Variants in GALNT18 observed in about 807,000 individuals in gnomAD.
The protein encoded by GALNT18 is polypeptide N-acetylgalactosaminyltransferase 18, also known as GalNAc-transferase 18.
A neutral mutation model predicts 69.5 loss-of-function variants in GALNT18; 44 were observed. The observed-to-expected ratio is 0.63, with a 90% CI of 0.50 to 0.81. GALNT18 has a LOEUF of 0.81. Among genes scored for constraint, GALNT18 ranks in the 40% least tolerant of loss-of-function variants. The pLI is 0.00. For synonymous variants in GALNT18, 364 were observed against 318.2 expected, an observed-to-expected ratio of 1.14 and a Z score of -1.53; for missense variants, 715 against 810.0, an observed-to-expected ratio of 0.88 and a Z score of 1.42.
At chr11:11,398,728 A>T (rs571279585) in intron 3 of GALNT18, among the ~76,000 whole-genome samples, 6 of 152,238 alleles carry the variant, frequency 3.9e-5, no homozygotes, top group Non-Finnish European at 7.3e-5. Flanking sequence ...TTGGAAAACC[A>T]GATGGACGCA....
chr11:11,534,677 C>A lies in GALNT18; in HGVS notation c.236-85741G>T, dbSNP rs549821754. Among the ~76,000 whole-genome samples, 16 of 152,376 alleles carry A rather than the reference C, an allele frequency of 1.1e-4. No homozygotes were observed. In the South Asian group the frequency reaches 3.3e-3, roughly 32 times the overall value. On this transcript the variant is annotated intron_variant, in intron 1 of 10. Coordinates refer to ENST00000227756, the MANE Select transcript of GALNT18 (RefSeq NM_198516.3). ...GAAAACTTCCACCTTTTCCTCAATC[C>A]ATTTTCCATTGGCACTTACTTCATT...
intron 1 of GALNT18, among the ~76,000 whole-genome samples, chr11:11,508,242 C>T (rs1378552517): frequency 6.6e-6 from 1 of 152,108 alleles, no homozygotes; most frequent in African/African-American, 2.4e-5. Context: ...CACATATACC[C>T]TTTTTTGTTT....
At chr11:11,280,275 A>AGGG (rs757970849) in intron 10 of GALNT18, among the ~76,000 whole-genome samples, 9 of 152,144 alleles carry the variant, frequency 5.9e-5, no homozygotes, top group Non-Finnish European at 1.2e-4. Context: ...GGCCTCTGAA[A>AGGG]GGGGCCCTTG....
chr11:11,433,335 G>C (rs1366213949), intron 2 of GALNT18, among the ~76,000 whole-genome samples: 2 of 152,180 alleles, frequency 1.3e-5, no homozygotes, highest in African/African-American at 4.8e-5. Flanking sequence ...TCCAGAACAG[G>C]GTTGGAGCTA....
At chr11:11,388,291 C>G (rs2133709142) in intron 3 of GALNT18, among the ~76,000 whole-genome samples, 1 of 152,246 alleles carries the variant, frequency 6.6e-6, no homozygotes, top group East Asian at 1.9e-4. Context: ...GCCAGGCTCT[C>G]AAAACCCACA....
In GALNT18 at chr11:11,435,626, A is replaced by C. The variant is rs1319526365; in HGVS notation, c.429-2839T>G. Reference sequence around the variant, plus strand: ...CTGTGCTGTCTCCCAACCTTGGACCACAGTCTGGCACTTAGTAGGCACTCC... The same window carrying C: ...CTGTGCTGTCTCCCAACCTTGGACCCCAGTCTGGCACTTAGTAGGCACTCC... On this transcript the variant is annotated intron_variant, in intron 2 of 10. Coordinates refer to ENST00000227756, the MANE Select transcript of GALNT18 (RefSeq NM_198516.3). The surrounding 1 kb of genome is among the most constrained non-coding windows in gnomAD (Gnocchi z 4.4). Among the ~76,000 whole-genome samples, 1 of 152,134 alleles carries C rather than the reference A, an allele frequency of 6.6e-6. No homozygotes were observed. Among genetic ancestry groups the C allele is most frequent in the Non-Finnish European group, 1.5e-5 (1 of 68,032 alleles).
chr11:11,336,452 G>A (rs777023089), intron 7 of GALNT18, among the ~76,000 whole-genome samples: 2 of 152,178 alleles, frequency 1.3e-5, no homozygotes, highest in Non-Finnish European at 2.9e-5. Flanking sequence ...TCACATCACC[G>A]ACAAGAGTTA....
chr11:11,284,929 T>TTTTTTTTA (rs1280772002), intron 10 of GALNT18, among the ~76,000 whole-genome samples: 1 of 135,806 alleles, frequency 7.4e-6, no homozygotes, highest in East Asian at 2.2e-4. Flanking sequence ...TTTTTTTTTT[T>TTTTTTTTA]TAACTACTTG....
At chr11:11,385,347 G>C (rs944591520) in intron 3 of GALNT18, among the ~76,000 whole-genome samples, 18 of 151,192 alleles carry the variant, frequency 1.2e-4, no homozygotes, top group African/African-American at 3.2e-4. Context: ...CCAGGATGGA[G>C]TGCAGTGGTG....
chr11:11,611,809 T>C (rs182942064), intron 1 of GALNT18, among the ~76,000 whole-genome samples: 1 of 152,266 alleles, frequency 6.6e-6, no homozygotes, highest in African/African-American at 2.4e-5. Context: ...CAAGGACCAG[T>C]TCCTGGAGGC....
chr11:11,315,771 C>T lies in GALNT18; in HGVS notation c.1512+11315G>A, dbSNP rs955455158. ...ACTTGCCCCCGTCATACATGTGGTA[C>T]GGGCAGAACTGGGCCTGGACCCCCA... On this transcript the variant is annotated intron_variant, in intron 9 of 10. Transcript: ENST00000227756. The surrounding 1 kb of genome is among the most constrained non-coding windows in gnomAD (Gnocchi z 5.6). Among the ~76,000 whole-genome samples, 4 of 152,250 alleles carry T rather than the reference C, an allele frequency of 2.6e-5. No individual in the cohort carries two copies. The highest frequency in any genetic ancestry group is 1.3e-4 in the Admixed American group (2 of 15,298).
At chr11:11,493,693 G>T (rs1445594190) in intron 1 of GALNT18, among the ~76,000 whole-genome samples, 1 of 152,190 alleles carries the variant, frequency 6.6e-6, no homozygotes, top group Non-Finnish European at 1.5e-5. Flanking sequence ...GAGCCTCCCA[G>T]TTGGTGACTA....
intron 9 of GALNT18, among the ~76,000 whole-genome samples, chr11:11,302,884 C>T (rs963246436): frequency 6.6e-6 from 1 of 152,234 alleles, no homozygotes; most frequent in African/African-American, 2.4e-5. Flanking sequence ...CCATCAGCAA[C>T]CCTTGAGAAG....
chr11:11,443,416 G>A (rs920725424), intron 2 of GALNT18, among the ~76,000 whole-genome samples: 1 of 152,188 alleles, frequency 6.6e-6, no homozygotes, highest in African/African-American at 2.4e-5. Context: ...CAGAGCTTCA[G>A]TGTATAGTTC....
chr11:11,372,410 G>T lies in GALNT18; in HGVS notation c.1092+105C>A. On this transcript the variant is annotated intron_variant, in intron 6 of 10. Coordinates refer to ENST00000227756, the MANE Select transcript of GALNT18 (RefSeq NM_198516.3). This position sits in a 1 kb window ranked among gnomAD's most constrained non-coding sequence, Gnocchi z 4.9. ...CACAGGATTCAGGACTGGACATTCA[G>T]AATCAGTCTGTGACCCTCAACCTTA... 1 of 828,518 alleles carries T rather than the reference G, an allele frequency of 1.2e-6. No individual in the cohort carries two copies. The allele number at this position is 828,518 out of a possible 1,614,324, so 51.3% of individuals were successfully genotyped here.
chr11:11,293,901 A>C (rs544668117), intron 9 of GALNT18, among the ~76,000 whole-genome samples: 1 of 108,382 alleles, frequency 9.2e-6, no homozygotes, highest in East Asian at 3.3e-4. Context: ...GGGAGCGCAG[A>C]GTCTTGTGGG....
intron 3 of GALNT18, among the ~76,000 whole-genome samples, chr11:11,380,975 A>G (rs1853901516): frequency 6.6e-6 from 1 of 152,168 alleles, no homozygotes; most frequent in South Asian, 2.1e-4. Flanking sequence ...CAGTGTCCTC[A>G]TTCCAGCCTG....
intron 10 of GALNT18, among the ~76,000 whole-genome samples, chr11:11,278,465 T>TA (rs1292755499): frequency 6.6e-6 from 1 of 151,654 alleles, no homozygotes; most frequent in Non-Finnish European, 1.5e-5. Flanking sequence ...TATACCTCTG[T>TA]AAAAAACCTG....
In GALNT18 at chr11:11,454,527, T is replaced by C. The variant is rs554634294; in HGVS notation, c.236-5591A>G. Among the ~76,000 whole-genome samples, 1 of 152,098 alleles carries C rather than the reference T, an allele frequency of 6.6e-6. No individual in the cohort carries two copies. The highest frequency in any genetic ancestry group is 1.9e-4 in the East Asian group (1 of 5,172). On this transcript the variant is annotated intron_variant, in intron 1 of 10. Coordinates refer to ENST00000227756, the MANE Select transcript of GALNT18 (RefSeq NM_198516.3). The surrounding 1 kb of genome is among the most constrained non-coding windows in gnomAD (Gnocchi z 4.2). ...TCTTGCCTCTCTCTCTCTCTCTCTT[T>C]CAAATCTCACCAAGTAAGGCTCAGA...
Sources: allele counts gnomAD v4.1 joint callset (sites outside exome capture counted in the v4.1 genomes callset), GRCh38; gene constraint gnomAD v4.1.1; non-coding constraint Gnocchi (gnomAD v3.1); transcripts MANE v1.5; gene names NCBI Gene and HGNC (gene_info 2026-07-23, HGNC 2026-07-21).